Variants in VAT1L observed in about 807,000 individuals in gnomAD.
VAT1L encodes the protein putative NADPH-dependent quinone oxidoreductase VAT1L.
VAT1L carries 34 observed loss-of-function variants against 44.1 expected under a neutral mutation model. That is an observed-to-expected ratio of 0.77 (90% CI 0.59 to 1.03). VAT1L has a LOEUF of 1.03. Among genes scored for constraint, VAT1L ranks in the 50% least tolerant of loss-of-function variants. The pLI, the probability that VAT1L is intolerant of heterozygous loss-of-function variation, is 0.00. For missense variants in VAT1L, 615 were observed against 538.8 expected (o/e 1.14, Z -1.40); for synonymous variants, 253 against 202.2 (o/e 1.25, Z -2.13).
chr16:77,835,924 T>C (rs1363032793), intron 3 of VAT1L, among the ~76,000 whole-genome samples: 2 of 151,774 alleles, frequency 1.3e-5, no homozygotes, highest in East Asian at 3.9e-4. Flanking sequence ...ATCCTCCCTG[T>C]TGAATAGTAT....
Position 77,977,826 on chromosome 16 carries a change from C to A in VAT1L, c.*131C>A. 1 of 879,308 alleles carries A rather than the reference C, an allele frequency of 1.1e-6. No homozygotes were observed. The highest frequency in any genetic ancestry group is 1.8e-6 in the Non-Finnish European group (1 of 564,040). 54.5% of individuals were successfully genotyped at this position (879,308 alleles called of 1,614,324 possible). On this transcript the variant is annotated 3_prime_UTR_variant, in exon 9 of 9. Coordinates refer to ENST00000302536, the MANE Select transcript of VAT1L (RefSeq NM_020927.3). ...TCGTGTTTGTCTGCAGTCAGCTGAG[C>A]TAAAAAGCTGTTGATCACTGTTGTT...
At chr16:77,972,043 G>C in intron 8 of VAT1L, 110 bp downstream of exon 8, 1 of 981,048 alleles carries the variant, frequency 1.0e-6, no homozygotes, top group Non-Finnish European at 1.5e-6. Flanking sequence ...CTGTGGGCTA[G>C]TGGAGGAGAC....
chr16:77,853,720 T>A (rs943150530), intron 3 of VAT1L, among the ~76,000 whole-genome samples: 1 of 152,110 alleles, frequency 6.6e-6, no homozygotes, highest in South Asian at 2.1e-4. Context: ...CCCCAGGTGA[T>A]GTTGAGGCTG....
At chr16:77,945,833 C>T (rs1268814122) in intron 7 of VAT1L, among the ~76,000 whole-genome samples, 1 of 147,138 alleles carries the variant, frequency 6.8e-6, no homozygotes, top group Non-Finnish European at 1.5e-5. Flanking sequence ...GACAAAGTCT[C>T]GCTCTGTCGC....
intron 3 of VAT1L, among the ~76,000 whole-genome samples, chr16:77,838,318 A>G (rs907894731): frequency 2.6e-5 from 4 of 152,156 alleles, no homozygotes; most frequent in Non-Finnish European, 1.5e-5. Flanking sequence ...TTCAGTTGGG[A>G]AAGGGAGGTG....
chr16:77,906,412 C>G (rs192821037), intron 7 of VAT1L, among the ~76,000 whole-genome samples: 89 of 152,294 alleles, frequency 5.8e-4, no homozygotes, highest in Admixed American at 5.8e-3. Flanking sequence ...GTGACTTGCA[C>G]AATAGGACAG....
chr16:77,922,944 T>G (rs1846196529), intron 7 of VAT1L, among the ~76,000 whole-genome samples: 1 of 152,190 alleles, frequency 6.6e-6, no homozygotes, highest in Non-Finnish European at 1.5e-5. Flanking sequence ...AACCCAGACC[T>G]GTTTGTTCAA....
intron 1 of VAT1L, among the ~76,000 whole-genome samples, chr16:77,789,689 G>T (rs1023615080): frequency 6.6e-6 from 1 of 152,076 alleles, no homozygotes; most frequent in Non-Finnish European, 1.5e-5. Flanking sequence ...CTGTTTCTCC[G>T]AGAGGGGAAA....
At chr16:77,865,285 A>G (rs1054748956) in intron 4 of VAT1L, among the ~76,000 whole-genome samples, 1 of 152,034 alleles carries the variant, frequency 6.6e-6, no homozygotes, top group Non-Finnish European at 1.5e-5. Context: ...TCCTATCTTT[A>G]ACTTGACTCT....
At position 77,788,817 on chromosome 16, in the gene VAT1L, G is replaced by A; in HGVS notation, c.135G>A (p.Val45=). Residue 45 remains valine, a synonymous_variant, in exon 1 of 9, where the codon GTG becomes GTA. Transcript: ENST00000302536. The part of the protein sequence containing the change: ...RLGDAQEMRA[V]VLAGFGGLNK... The stretch of plus-strand genomic sequence containing the variant: ...GGGACGCCCAGGAGATGCGCGCGGT[G>A]GTGCTGGCTGGCTTCGGGGGGCTCA... 6.3e-7 allele frequency: 1 copy of A among 1,577,548 alleles called. No homozygotes were observed. Among genetic ancestry groups the A allele is most frequent in the African/African-American group, 1.3e-5 (1 of 74,496 alleles).
chr16:77,831,982 ATTT>A (rs151275500), intron 3 of VAT1L, among the ~76,000 whole-genome samples: 5 of 125,982 alleles, frequency 4.0e-5, no homozygotes, highest in African/African-American at 9.1e-5. Context: ...TGCCCGGCTA[ATTT>A]TTTTTTTTTT....
intron 4 of VAT1L, among the ~76,000 whole-genome samples, chr16:77,866,701 T>C (rs2016977940): frequency 6.6e-6 from 1 of 152,048 alleles, no homozygotes; most frequent in Non-Finnish European, 1.5e-5. Context: ...ATTCTCAGCC[T>C]TGAGGCAGGT....
At chr16:77,939,189 T>A (rs992794678) in intron 7 of VAT1L, among the ~76,000 whole-genome samples, 5 of 152,190 alleles carry the variant, frequency 3.3e-5, no homozygotes, top group African/African-American at 1.2e-4. Flanking sequence ...TCTGGGAAAA[T>A]GCTTGTTTAA....
chr16:77,913,082 T>C (rs1396025362), intron 7 of VAT1L, among the ~76,000 whole-genome samples: 2 of 152,216 alleles, frequency 1.3e-5, no homozygotes, highest in East Asian at 3.8e-4. Context: ...GCATTCAGTC[T>C]ATAGCAGCTT....
chr16:77,876,857 A>T (rs2017092834), intron 5 of VAT1L, among the ~76,000 whole-genome samples: 1 of 152,110 alleles, frequency 6.6e-6, no homozygotes, highest in Admixed American at 6.5e-5. Context: ...TGGCTAGGAT[A>T]TGCATGTTTT....
intron 3 of VAT1L, among the ~76,000 whole-genome samples, chr16:77,861,717 G>A (rs2016915907): frequency 6.6e-6 from 1 of 152,196 alleles, no homozygotes. Flanking sequence ...CCACTTGACT[G>A]GAAGAAGCCA....
At chr16:77,803,851 C>G (rs1485109118) in intron 1 of VAT1L, among the ~76,000 whole-genome samples, 1 of 152,214 alleles carries the variant, frequency 6.6e-6, no homozygotes, top group Non-Finnish European at 1.5e-5. Flanking sequence ...ACTCTATCTT[C>G]TCCCCTCTGT....
At chr16:77,841,961 C>T (rs1482261299) in intron 3 of VAT1L, among the ~76,000 whole-genome samples, 1 of 151,954 alleles carries the variant, frequency 6.6e-6, no homozygotes, top group Non-Finnish European at 1.5e-5. Context: ...GATCTTGGCT[C>T]ATGGCAAGCT....
chr16:77,926,271 A>T (rs2017667761), intron 7 of VAT1L, among the ~76,000 whole-genome samples: 1 of 149,084 alleles, frequency 6.7e-6, no homozygotes, highest in Non-Finnish European at 1.5e-5. Flanking sequence ...AAAAAAAAAA[A>T]AAAAAATAGG....
Sources: allele counts gnomAD v4.1 joint callset (sites outside exome capture counted in the v4.1 genomes callset), GRCh38; gene constraint gnomAD v4.1.1; transcripts MANE v1.5; gene names NCBI Gene and HGNC (gene_info 2026-07-23, HGNC 2026-07-21).